RUFY4: variants seen among roughly 807,000 people sequenced by gnomAD.
RUFY4 encodes RUN and FYVE domain containing 4.
RUFY4 carries 73 observed loss-of-function variants against 69.0 expected under a neutral mutation model. That is an observed-to-expected ratio of 1.06 (90% confidence interval 0.88 to 1.29). The LOEUF is 1.29. Ranked by LOEUF, RUFY4 falls within the 50% of genes most tolerant of loss-of-function variation. The probability of loss-of-function intolerance (pLI) is 0.00; values close to 1 mark genes in which losing one functional copy is unlikely to be tolerated. For missense variants in RUFY4, 770 were observed against 705.6 expected (o/e 1.09, Z -1.03); for synonymous variants, 287 against 271.8 (o/e 1.06, Z -0.55).
At position 218,090,312 on chromosome 2, in the gene RUFY4, G is replaced by T. The variant is rs1284148202; in HGVS notation, c.*258G>T. On this transcript the variant is annotated 3_prime_UTR_variant, in exon 11 of 11. Coordinates refer to ENST00000344321, the Ensembl canonical transcript of RUFY4. ...CTTCTTCTCTAATGTTAAGAGTTGG[G>T]CCCCATCCTCTCTAAAGTCCCTCTG... 8.9e-6 allele frequency: 3 copies of T among 335,906 alleles called. No homozygotes were observed. The East Asian group carries it at 2.2e-4, about 25-fold the overall frequency. 20.8% of individuals were successfully genotyped at this position (335,906 alleles called of 1,614,324 possible).
rs1190986315 is a variant in RUFY4 at position 218,089,937 on chromosome 2, G to C, written c.1614-15G>C. 8.4e-6 allele frequency: 13 copies of C among 1,549,502 alleles called. No individual in the cohort carries two copies. In the South Asian group the frequency reaches 1.4e-4, roughly 17 times the overall value. The stretch of plus-strand genomic sequence containing the variant: ...TGCAGAGGCCGCCCCAGGCTTTCCT[G>C]CCTCTGCCTTCCAGGCTCTGTGGAG... On this transcript the variant is annotated splice_polypyrimidine_tract_variant and intron_variant, in intron 10 of 10. Transcript: ENST00000344321.
intron 8 of RUFY4, among the ~76,000 whole-genome samples, chr2:218,079,965 C>A (rs922955962): frequency 2.6e-5 from 4 of 152,166 alleles, no homozygotes; most frequent in Admixed American, 2.6e-4. Flanking sequence ...ACAGGATAGT[C>A]ATTCAGACTG....
chr2:218,052,658 G>C (rs1158914271), intron 2 of RUFY4, among the ~76,000 whole-genome samples: 1 of 151,946 alleles, frequency 6.6e-6, no homozygotes, highest in Admixed American at 6.6e-5. Flanking sequence ...CTACTCAGGA[G>C]GCTAAGACAG....
chr2:218,075,578 G>T (rs749235043), exon 7 of RUFY4: 1 of 1,525,746 alleles, frequency 6.6e-7, no homozygotes, highest in Non-Finnish European at 8.8e-7. Context: ...CAGGGAGCAG[G>T]CAGGGGTCGG....
intron 2 of RUFY4, 97 bp downstream of exon 4, chr2:218,070,956 C>T: frequency 1.1e-6 from 1 of 877,184 alleles, no homozygotes; most frequent in Admixed American, 2.4e-5. Flanking sequence ...AGCCCCCTTC[C>T]TTACCATGCA....
intron 8 of RUFY4, among the ~76,000 whole-genome samples, chr2:218,078,721 T>C (rs1272973418): frequency 6.6e-6 from 1 of 152,142 alleles, no homozygotes; most frequent in South Asian, 2.1e-4. Context: ...TTTCAGAACA[T>C]TTCCATCTCC....
intron 2 of RUFY4, among the ~76,000 whole-genome samples, chr2:218,038,934 C>T (rs2106024784): frequency 6.6e-6 from 1 of 152,164 alleles, no homozygotes; most frequent in East Asian, 1.9e-4. Flanking sequence ...TCTCCTTGAC[C>T]TTCATTAGCA....
In RUFY4 at chr2:218,084,517, G is replaced by A. The variant is rs570919089; in HGVS notation, c.1502+1261G>A. On this transcript the variant is annotated intron_variant, in intron 9 of 10. Transcript: ENST00000344321. ...AAAGTGCTAGTATTTCAGGTGAGGG[G>A]TCATTTAGAACTAAATCCTCTTACA... 4.6e-5 allele frequency among the ~76,000 whole-genome samples: 7 copies of A among 152,102 alleles called. No individual in the cohort carries two copies. In the East Asian group the frequency reaches 1.4e-3, roughly 29 times the overall value.
At chr2:218,077,545 T>C (rs1559435578) in intron 8 of RUFY4, among the ~76,000 whole-genome samples, 3 of 152,158 alleles carry the variant, frequency 2.0e-5, no homozygotes, top group African/African-American at 7.2e-5. Context: ...GCAGAGATCT[T>C]CCGTGGCCTG....
At chr2:218,051,972 C>G (rs567567401) in intron 2 of RUFY4, among the ~76,000 whole-genome samples, 1 of 152,226 alleles carries the variant, frequency 6.6e-6, no homozygotes, top group African/African-American at 2.4e-5. Flanking sequence ...CTTAGAAGTG[C>G]TGTCTTCCTC....
chr2:218,057,232 T>G (rs946820450), intron 2 of RUFY4, among the ~76,000 whole-genome samples: 1 of 152,242 alleles, frequency 6.6e-6, no homozygotes, highest in African/African-American at 2.4e-5. Context: ...AACCTGCAAC[T>G]TTCTCTTTGT....
intron 2 of RUFY4, among the ~76,000 whole-genome samples, chr2:218,038,416 A>G (rs1173472530): frequency 6.6e-6 from 1 of 152,256 alleles, no homozygotes; most frequent in East Asian, 1.9e-4. Context: ...GTGCTCCATC[A>G]GTAAAAATGC....
rs377117730 is a variant in RUFY4, at chr2:218,089,350, G to C, written c.1601G>C (p.Arg534Pro). 1.1e-4 allele frequency: 177 copies of C among 1,613,730 alleles called. No individual in the cohort carries two copies. The African/African-American group carries it at 1.7e-3, about 16-fold the overall frequency. The change falls in exon 10 of 11, where the codon CGG becomes CCG. Residue 534 changes from arginine (R) to proline (P), a missense_variant. Physicochemically the swap from Arg to Pro is moderately radical, Grantham distance 103. Transcript: ENST00000344321. Reference sequence around the variant, plus strand: ...AAGATCTTTGGCCGATTTTCTCGGCGGTATCCATGCAGGTAAAGGGAAGGG... The same window carrying C: ...AAGATCTTTGGCCGATTTTCTCGGCCGTATCCATGCAGGTAAAGGGAAGGG...
exon 11 of RUFY4, chr2:218,090,309 T>C: frequency 2.9e-6 from 1 of 340,220 alleles, no homozygotes; most frequent in East Asian, 7.5e-5. Flanking sequence ...TGTTAAGAGT[T>C]GGGCCCCATC....
At chr2:218,086,272 T>C (rs542697045) in intron 9 of RUFY4, among the ~76,000 whole-genome samples, 2 of 152,152 alleles carry the variant, frequency 1.3e-5, no homozygotes, top group South Asian at 4.1e-4. Flanking sequence ...GAGAAACAAA[T>C]GAAACATAGC....
Position 218,045,016 on chromosome 2 carries a change from CA to C in RUFY4, c.-1158+9623del, listed in dbSNP as rs577270430. ...TTTTTCGGTCTTTGAGGAATTACCA[CA>C]CTGTCTGTCTTCCACATTGGTTGAA... On this transcript the variant is annotated intron_variant and NMD_transcript_variant, in intron 2 of 13. Coordinates refer to the RUFY4 transcript ENST00000457754. Among the ~76,000 whole-genome samples, 1,462 of 152,306 alleles carry C rather than the reference CA, an allele frequency of 9.6e-3. 29 individuals carry two copies. Among genetic ancestry groups the C allele is most frequent in the African/African-American group, 0.034 (1,395 of 41,554 alleles).
intron 2 of RUFY4, among the ~76,000 whole-genome samples, chr2:218,039,122 T>G (rs1006547133): frequency 6.6e-6 from 1 of 152,182 alleles, no homozygotes; most frequent in Admixed American, 6.5e-5. Context: ...CTACTGTCTC[T>G]TTAAACTTCC....
Position 218,055,238 on chromosome 2 carries a change from T to C in RUFY4, c.-1157-3357T>C, listed in dbSNP as rs796866331. 5.9e-5 allele frequency among the ~76,000 whole-genome samples: 9 copies of C among 152,080 alleles called. 1 individual carries two copies. The highest frequency in any genetic ancestry group is 1.9e-4 in the African/African-American group (8 of 41,478). ...GATGAAACCCCATCTCTACTAAAAATACAAGAATTAGCCAGGCGTCATGGC... is the reference window on the plus strand; with the variant it reads ...GATGAAACCCCATCTCTACTAAAAACACAAGAATTAGCCAGGCGTCATGGC... On this transcript the variant is annotated intron_variant and NMD_transcript_variant, in intron 2 of 13. Coordinates refer to the RUFY4 transcript ENST00000457754.
chr2:218,065,122 T>C (rs1689293509), upstream of RUFY4, among the ~76,000 whole-genome samples: 1 of 152,072 alleles, frequency 6.6e-6, no homozygotes, highest in Non-Finnish European at 1.5e-5. Flanking sequence ...GAGGGGCCAT[T>C]TTCAACGTCC....
Sources: gnomAD v4.1 joint callset for allele counts (sites outside exome capture counted in the v4.1 genomes callset) on GRCh38, gnomAD v4.1.1 for gene constraint, MANE v1.5 for transcripts, NCBI Gene and HGNC (gene_info 2026-07-23, HGNC 2026-07-21) for gene names.